NDRG4: variants seen among roughly 807,000 people sequenced by gnomAD.
NDRG4 encodes the protein protein NDRG4.
A neutral mutation model predicts 55.8 loss-of-function variants in NDRG4; 38 were observed. The ratio of observed to expected loss-of-function variants is 0.68; its 90% CI spans 0.53 to 0.89. NDRG4 has a LOEUF of 0.89. Ranked by LOEUF, NDRG4 falls within the 40% of genes least tolerant of loss-of-function variation. NDRG4 has a pLI of 0.00. For missense variants in NDRG4, 455 were observed against 468.6 expected, an observed-to-expected ratio of 0.97 and a Z score of 0.27; for synonymous variants, 190 against 182.7, an observed-to-expected ratio of 1.04 and a Z score of -0.32.
At position 58,513,228 on chromosome 16, in the gene NDRG4, C is replaced by T. The variant is rs1314237605; in HGVS notation, c.*1652C>T. On this transcript the variant is annotated 3_prime_UTR_variant, in exon 15 of 15. Coordinates refer to ENST00000570248, the MANE Select transcript of NDRG4 (RefSeq NM_001242835.2). Reference sequence around the variant, plus strand: ...GGGTCCTCCCATGTGTGGTGTTCTTCTGGAGGTTGTCTCTTTGGTCAAGGT... The same window carrying T: ...GGGTCCTCCCATGTGTGGTGTTCTTTTGGAGGTTGTCTCTTTGGTCAAGGT... 2 of 150,894 alleles carry T rather than the reference C, an allele frequency of 1.3e-5. No homozygotes were observed. Among genetic ancestry groups the T allele is most frequent in the African/African-American group, 2.5e-5 (1 of 40,758 alleles). The allele number at this position is 150,894 out of a possible 1,614,324, so 9.3% of individuals were successfully genotyped here. A position where few individuals can be genotyped will look rare whatever the true frequency, so the allele number is the denominator to read the frequency against.
Position 58,504,197 on chromosome 16 carries a change from G to A in NDRG4, c.171G>A (p.Gln57=). ...FNTFFNFEDM[Q]EITKHFVVCH... Reference sequence around the variant, plus strand: ...CCTTCTTCAACTTCGAGGACATGCAGGAGATCACCAAGCACTTTGTGGTGT... The same window carrying A: ...CCTTCTTCAACTTCGAGGACATGCAAGAGATCACCAAGCACTTTGTGGTGT... The change falls in exon 3 of 15, where the codon CAG becomes CAA. Residue 57 remains glutamine (Q), a synonymous_variant. Transcript: ENST00000570248. The A allele has an allele frequency of 1.2e-6, 2 of 1,614,192 alleles. No homozygotes were observed. The highest frequency in any genetic ancestry group is 1.7e-6 in the Non-Finnish European group (2 of 1,180,030).
At chr16:58,465,056 C>A (rs374829642) in intron 1 of NDRG4, 5 of 1,271,620 alleles carry the variant, frequency 3.9e-6, no homozygotes, top group East Asian at 5.6e-5. Flanking sequence ...CAAGAGCGAA[C>A]GGTCAGGAAG....
chr16:58,470,604 G>A (rs556314611), intron 1 of NDRG4, among the ~76,000 whole-genome samples: 3 of 152,294 alleles, frequency 2.0e-5, no homozygotes, highest in African/African-American at 7.2e-5. Context: ...AACCACATGT[G>A]TTTTTATAAG....
intron 1 of NDRG4, among the ~76,000 whole-genome samples, chr16:58,474,948 G>C (rs993278246): frequency 1.3e-5 from 2 of 152,234 alleles, no homozygotes; most frequent in Non-Finnish European, 1.5e-5. Flanking sequence ...GCTTGGAACA[G>C]AGTCCCTCTC....
chr16:58,479,403 CTGTGCAGTGAGCACCCT>C (rs2034124915), intron 1 of NDRG4, among the ~76,000 whole-genome samples: 1 of 152,224 alleles, frequency 6.6e-6, no homozygotes, highest in South Asian at 2.1e-4. Flanking sequence ...CTCCACTCGG[CTGTGCAGTGAGCACCCT>C]TGTGTACTGC....
exon 3 of NDRG4, chr16:58,494,999 A>T: frequency 1.2e-6 from 2 of 1,613,408 alleles, no homozygotes; most frequent in Non-Finnish European, 1.7e-6. Context: ...CTGCAGACAC[A>T]GACTGGAAGG....
chr16:58,506,438 A>G lies in NDRG4; in HGVS notation c.424A>G (p.Asn142Asp). The G allele has an allele frequency of 6.2e-7, 1 of 1,613,456 alleles. No homozygotes were observed. Among genetic ancestry groups the G allele is most frequent in the East Asian group, 2.2e-5 (1 of 44,826 alleles). The change falls in exon 6 of 15, where the codon AAT (asparagine) becomes GAT (aspartate). Residue 142 changes from asparagine to aspartate, a missense_variant. Transcript: ENST00000570248. ...EGLVLVNIDP[N>D]GKGWIDWAAT... ...GCTGGTGCTGGTGAACATCGACCCC[A>G]ATGGCAAAGGCTGGATAGACTGGGC...
chr16:58,473,951 A>G (rs577160605), intron 1 of NDRG4, among the ~76,000 whole-genome samples: 24 of 122,384 alleles, frequency 2.0e-4, no homozygotes, highest in African/African-American at 6.5e-4. Flanking sequence ...AACGCTTACC[A>G]CCCCTGTCCT....
At chr16:58,487,957 A>C in intron 2 of NDRG4, 1 of 810,504 alleles carries the variant, frequency 1.2e-6, no homozygotes, top group Non-Finnish European at 1.8e-6. Flanking sequence ...AGGGCCAGCC[A>C]CACCGAGAAG....
chr16:58,496,424 T>G (rs545253862), upstream of NDRG4, among the ~76,000 whole-genome samples: 10 of 152,186 alleles, frequency 6.6e-5, no homozygotes, highest in Admixed American at 5.9e-4. Flanking sequence ...TTTTTTTCGT[T>G]TTTTGTTTTA....
intron 1 of NDRG4, chr16:58,503,578 A>T (rs954439817): frequency 1.7e-5 from 15 of 862,026 alleles, no homozygotes; most frequent in African/African-American, 5.0e-5. Context: ...GACCTTCCCC[A>T]TGCAGATCAG....
chr16:58,477,146 G>GAT (rs982648478), intron 1 of NDRG4, among the ~76,000 whole-genome samples: 73 of 150,292 alleles, frequency 4.9e-4, no homozygotes, highest in Non-Finnish European at 7.2e-4. Flanking sequence ...ATATATGTGT[G>GAT]ATATATATAT....
At position 58,511,908 on chromosome 16, in the gene NDRG4, C is replaced by A; in HGVS notation, c.*332C>A. 1 of 451,136 alleles carries A rather than the reference C, an allele frequency of 2.2e-6. No homozygotes were observed. Among genetic ancestry groups the A allele is most frequent in the African/African-American group, 2.0e-5 (1 of 50,702 alleles). 27.9% of individuals were successfully genotyped at this position (451,136 alleles called of 1,614,324 possible). ...ATTCCTGGGTGAGCCCTTGGGCAGG[C>A]ATGTTTGGAGATGAGAGAGGCTTCG... On this transcript the variant is annotated 3_prime_UTR_variant, in exon 15 of 15. Transcript: ENST00000570248.
intron 1 of NDRG4, among the ~76,000 whole-genome samples, chr16:58,476,991 A>G (rs1226188309): frequency 2.6e-5 from 4 of 152,074 alleles, no homozygotes; most frequent in Non-Finnish European, 5.9e-5. Context: ...CAAAAATATT[A>G]TGGATGAGAG....
intron 1 of NDRG4, among the ~76,000 whole-genome samples, chr16:58,473,970 C>T (rs1237046330): frequency 6.6e-6 from 1 of 151,934 alleles, no homozygotes; most frequent in African/African-American, 2.4e-5. Flanking sequence ...CTCATCTCCT[C>T]CCCTCCTGGC....
intron 1 of NDRG4, among the ~76,000 whole-genome samples, chr16:58,482,881 C>T (rs1011374791): frequency 6.6e-6 from 1 of 152,072 alleles, no homozygotes; most frequent in Non-Finnish European, 1.5e-5. Flanking sequence ...CTCCCGGGCT[C>T]AAGTAATTCT....
intron 10 of NDRG4, among the ~76,000 whole-genome samples, 150 bp from the exon 11 acceptor site, chr16:58,508,797 CCCTGGGAGAAGAAAG>C (rs1451501891): frequency 6.6e-6 from 1 of 152,220 alleles, no homozygotes; most frequent in African/African-American, 2.4e-5. Flanking sequence ...ACATGGGGAG[CCCTGGGAGAAGAAAG>C]CCTGGGAGGA....
intron 2 of NDRG4, among the ~76,000 whole-genome samples, chr16:58,490,767 C>A (rs1029056947): frequency 2.6e-5 from 4 of 152,060 alleles, no homozygotes; most frequent in African/African-American, 9.6e-5. Flanking sequence ...ACCTGAGATC[C>A]GGAGTTCAAG....
intron 1 of NDRG4, chr16:58,500,748 G>T (rs995696440): frequency 1.4e-5 from 6 of 418,296 alleles, no homozygotes; most frequent in Non-Finnish European, 2.5e-5. Flanking sequence ...TGCCGGGTCT[G>T]TGCGTGCAGG....
Sources: gnomAD v4.1 joint callset for allele counts (sites outside exome capture counted in the v4.1 genomes callset) on GRCh38, gnomAD v4.1.1 for gene constraint, MANE v1.5 for transcripts, NCBI Gene and HGNC (gene_info 2026-07-23, HGNC 2026-07-21) for gene names.